COL14A1: variants seen among roughly 807,000 people sequenced by gnomAD.
COL14A1 encodes the protein collagen alpha-1(XIV) chain.
In COL14A1, 136 loss-of-function variants were observed where a neutral mutation model predicts 230.3. That is an observed-to-expected ratio of 0.59 (90% CI 0.51 to 0.68). COL14A1 has a LOEUF of 0.68. Among genes scored for constraint, COL14A1 ranks in the 30% least tolerant of loss-of-function variants. COL14A1 has a pLI of 0.00. For synonymous variants in COL14A1, 792 were observed against 784.1 expected, an observed-to-expected ratio of 1.01 and a Z score of -0.17; for missense variants, 1,976 against 2,215.8, an observed-to-expected ratio of 0.89 and a Z score of 2.17.
chr8:120,336,335 C>A (rs1416980434), intron 42 of COL14A1, among the ~76,000 whole-genome samples: 1 of 152,118 alleles, frequency 6.6e-6, no homozygotes, highest in Non-Finnish European at 1.5e-5. Context: ...AGGAACCTAA[C>A]CCACAAAGAC....
intron 2 of COL14A1, among the ~76,000 whole-genome samples, chr8:120,153,939 C>T (rs1032163300): frequency 5.9e-5 from 9 of 151,970 alleles, no homozygotes; most frequent in Admixed American, 2.6e-4. Context: ...TCTGCTTGAC[C>T]GGGTTTAAGT....
At chr8:120,358,412 T>A (rs1465943911) in intron 45 of COL14A1, among the ~76,000 whole-genome samples, 2 of 152,180 alleles carry the variant, frequency 1.3e-5, no homozygotes, top group Non-Finnish European at 2.9e-5. Context: ...TCATAAGTCA[T>A]AACTAGTTTA....
intron 40 of COL14A1, among the ~76,000 whole-genome samples, chr8:120,320,440 T>C (rs1411736512): frequency 1.3e-5 from 2 of 152,174 alleles, no homozygotes; most frequent in Non-Finnish European, 2.9e-5. Flanking sequence ...GCTTCTAGAT[T>C]ATGCAGGTTT....
intron 34 of COL14A1, among the ~76,000 whole-genome samples, chr8:120,292,359 A>G (rs1371588910): frequency 6.6e-6 from 1 of 152,186 alleles, no homozygotes; most frequent in Non-Finnish European, 1.5e-5. Flanking sequence ...ATAGAAGTCA[A>G]TAATTAAAGA....
At chr8:120,203,895 T>G (rs1316520358) in intron 9 of COL14A1, 25 bp downstream of exon 9, 1 of 1,607,744 alleles carries the variant, frequency 6.2e-7, no homozygotes, top group South Asian at 1.1e-5. Context: ...AGAGCAGTCC[T>G]GTGGATGTCA....
intron 38 of COL14A1, 92 bp from the exon 39 acceptor site, chr8:120,315,441 C>T (rs1254858161): frequency 1.9e-5 from 16 of 838,448 alleles, no homozygotes; most frequent in Non-Finnish European, 7.7e-6. Flanking sequence ...ACGCGATTTA[C>T]TGTGGAAACT....
intron 14 of COL14A1, among the ~76,000 whole-genome samples, chr8:120,222,052 G>A (rs965236534): frequency 6.6e-6 from 1 of 152,172 alleles, no homozygotes; most frequent in Non-Finnish European, 1.5e-5. Flanking sequence ...TAGTGTTTAA[G>A]AGCATAGGAT....
intron 36 of COL14A1, among the ~76,000 whole-genome samples, chr8:120,309,083 C>T (rs546167050): frequency 2.6e-5 from 4 of 152,214 alleles, no homozygotes; most frequent in Admixed American, 2.0e-4. Context: ...TGCAGGCACC[C>T]GCCACCACGC....
At chr8:120,229,416 C>T (rs1818196748) in intron 18 of COL14A1, among the ~76,000 whole-genome samples, 2 of 151,922 alleles carry the variant, frequency 1.3e-5, no homozygotes, top group Non-Finnish European at 2.9e-5. Context: ...CCAATTTCAT[C>T]CATGTCCCTA....
chr8:120,197,751 G>GCCCACTAGATTTTTGAGTAA, intron 6 of COL14A1, 60 bp from the exon 7 acceptor site: 1 of 1,558,226 alleles, frequency 6.4e-7, no homozygotes, highest in Non-Finnish European at 8.7e-7. Flanking sequence ...TTCTTGAGTA[G>GCCCACTAGATTTTTGAGTAA]CCCACTAGAT....
chr8:120,229,954 C>T (rs892935703), intron 18 of COL14A1, among the ~76,000 whole-genome samples: 1 of 152,146 alleles, frequency 6.6e-6, no homozygotes, highest in Non-Finnish European at 1.5e-5. Context: ...GATCAAGGCT[C>T]ACCACAGCCT....
chr8:120,278,110 G>C lies in COL14A1; in HGVS notation c.3214-1G>C, dbSNP rs758239946. 2 of 1,601,284 alleles carry C rather than the reference G, an allele frequency of 1.2e-6. No homozygotes were observed. Among genetic ancestry groups the C allele is most frequent in the Non-Finnish European group, 1.7e-6 (2 of 1,175,258 alleles). On this transcript the variant is annotated splice_acceptor_variant, in intron 26 of 47. Coordinates refer to ENST00000297848, the MANE Select transcript of COL14A1 (RefSeq NM_021110.4). LOFTEE classifies it high-confidence loss of function. Reference sequence around the variant, plus strand: ...AAAATGAATACACCTTCTCTCTCCAGGTTGCAATGGTTCAGTTCACTGATG... The same window carrying C: ...AAAATGAATACACCTTCTCTCTCCACGTTGCAATGGTTCAGTTCACTGATG...
intron 22 of COL14A1, among the ~76,000 whole-genome samples, chr8:120,252,041 A>G (rs1215885264): frequency 6.6e-6 from 1 of 152,164 alleles, no homozygotes; most frequent in Admixed American, 6.5e-5. Flanking sequence ...AAAATTGTAT[A>G]TATTCAAGGT....
At chr8:120,208,207 A>G (rs374526166) in intron 10 of COL14A1, 25 bp from the exon 11 acceptor site, 45 of 1,583,976 alleles carry the variant, frequency 2.8e-5, no homozygotes, top group African/African-American at 2.6e-4. Flanking sequence ...CCATACTCTC[A>G]TTACTCAAAC....
Position 120,262,848 on chromosome 8 carries a change from T to C in COL14A1, c.2870-20T>C, listed in dbSNP as rs1819382415. The C allele has an allele frequency of 6.3e-7, 1 of 1,583,432 alleles. No individual in the cohort carries two copies. ...AATTTCATATGTGTGTGTTTTTGTT[T>C]TGTTTTGTTTTTATTATAGATAGGC... On this transcript the variant is annotated intron_variant, in intron 23 of 47. Coordinates refer to ENST00000297848, the MANE Select transcript of COL14A1 (RefSeq NM_021110.4).
At chr8:120,135,262 A>G (rs571255725) in intron 1 of COL14A1, among the ~76,000 whole-genome samples, 5 of 152,014 alleles carry the variant, frequency 3.3e-5, no homozygotes, top group Admixed American at 1.3e-4. Context: ...ATATGCATTA[A>G]TACTTTTTTT....
intron 5 of COL14A1, among the ~76,000 whole-genome samples, chr8:120,170,508 G>A (rs1249131642): frequency 6.6e-6 from 1 of 151,810 alleles, no homozygotes; most frequent in African/African-American, 2.4e-5. Flanking sequence ...TAGAGAATGG[G>A]GTCTGTAGGA....
chr8:120,155,745 T>A (rs564237159), intron 2 of COL14A1, among the ~76,000 whole-genome samples: 1 of 152,322 alleles, frequency 6.6e-6, no homozygotes, highest in East Asian at 1.9e-4. Flanking sequence ...TTTTAATATT[T>A]AAAAATTCTT....
At chr8:120,333,696 C>T (rs989585931) in intron 42 of COL14A1, among the ~76,000 whole-genome samples, 4 of 152,174 alleles carry the variant, frequency 2.6e-5, no homozygotes, top group Non-Finnish European at 5.9e-5. Flanking sequence ...GCAGATCTCA[C>T]TGAGTTAAAG....
Sources: gnomAD v4.1 joint callset for allele counts (sites outside exome capture counted in the v4.1 genomes callset) on GRCh38, gnomAD v4.1.1 for gene constraint, MANE v1.5 for transcripts, NCBI Gene and HGNC (gene_info 2026-07-23, HGNC 2026-07-21) for gene names.